Variants in ASTN2 observed in about 807,000 individuals in gnomAD.
ASTN2 encodes the protein astrotactin-2.
ASTN2 carries 54 observed loss-of-function variants against 139.8 expected under a neutral mutation model. The observed-to-expected ratio is 0.39, with a 90% CI of 0.31 to 0.48. The LOEUF (loss-of-function observed/expected upper bound fraction) is 0.48, where lower values mean the gene tolerates loss of function less well. ASTN2 is among the 20% of genes least tolerant of loss of function. ASTN2 has a pLI of 0.95. For missense variants in ASTN2, 1,565 were observed against 1,725.1 expected, an observed-to-expected ratio of 0.91 and a Z score of 1.64; for synonymous variants, 756 against 719.5, an observed-to-expected ratio of 1.05 and a Z score of -0.81.
intron 1 of ASTN2, among the ~76,000 whole-genome samples, chr9:117,400,744 C>T (rs1188352859): frequency 2.0e-5 from 3 of 152,108 alleles, no homozygotes; most frequent in African/African-American, 7.2e-5. Context: ...AGAGGGAACC[C>T]TTCTCTCCCT....
rs909945885 is a variant in ASTN2 at position 116,753,954 on chromosome 9, C to T, written c.2397-20431G>A. 3.3e-5 allele frequency among the ~76,000 whole-genome samples: 5 copies of T among 152,076 alleles called. No homozygotes were observed. In the East Asian group the frequency reaches 7.7e-4, roughly 24 times the overall value. On this transcript the variant is annotated intron_variant, in intron 13 of 22. Coordinates refer to ENST00000313400, the MANE Select transcript of ASTN2 (RefSeq NM_001365068.1). ...ACTCTAACCCTCCCCGAGCCCCACA[C>T]CTTGCAACAGGCCCTGCTGTGTGAT...
chr9:117,081,702 G>A (rs557298826), intron 5 of ASTN2, among the ~76,000 whole-genome samples: 30 of 152,274 alleles, frequency 2.0e-4, no homozygotes, highest in Non-Finnish European at 3.5e-4. Flanking sequence ...TTGAAGGAGG[G>A]GAGTCAAAGT....
At chr9:117,388,397 C>T (rs7848535) in intron 1 of ASTN2, among the ~76,000 whole-genome samples, 15,320 of 152,114 alleles carry the variant, frequency 0.1, 833 homozygotes, top group East Asian at 0.18. Context: ...TTCTGAATTC[C>T]GGTGAGGTCA....
chr9:117,250,845 G>T (rs1833517649), intron 2 of ASTN2, among the ~76,000 whole-genome samples: 1 of 152,178 alleles, frequency 6.6e-6, no homozygotes, highest in Non-Finnish European at 1.5e-5. Context: ...GTCCCCAAGG[G>T]CTTCTAGGAG....
At chr9:117,298,965 G>A (rs185360378) in intron 1 of ASTN2, among the ~76,000 whole-genome samples, 35 of 152,142 alleles carry the variant, frequency 2.3e-4, no homozygotes, top group African/African-American at 8.0e-4. Flanking sequence ...ATAATGGCTG[G>A]ATTCCCATAC....
At chr9:117,095,743 T>C (rs1353326968) in intron 5 of ASTN2, among the ~76,000 whole-genome samples, 1 of 152,220 alleles carries the variant, frequency 6.6e-6, no homozygotes, top group Admixed American at 6.5e-5. Flanking sequence ...CTTATTTTCA[T>C]ATTAATATGA....
chr9:116,973,928 G>T (rs1191714438), intron 10 of ASTN2, among the ~76,000 whole-genome samples: 1 of 152,174 alleles, frequency 6.6e-6, no homozygotes, highest in Non-Finnish European at 1.5e-5. Flanking sequence ...AAGCTGACAA[G>T]GTGAGAGTAA....
intron 6 of ASTN2, among the ~76,000 whole-genome samples, chr9:117,033,328 C>T (rs943693023): frequency 6.6e-6 from 1 of 152,042 alleles, no homozygotes; most frequent in Non-Finnish European, 1.5e-5. Flanking sequence ...GACCCCCTTC[C>T]AATATTAAGA....
chr9:116,627,227 A>C (rs1259765419), intron 17 of ASTN2, among the ~76,000 whole-genome samples: 1 of 152,196 alleles, frequency 6.6e-6, no homozygotes, highest in Admixed American at 6.5e-5. Context: ...TCATGTCAAA[A>C]ATTGCCTGGA....
intron 4 of ASTN2, among the ~76,000 whole-genome samples, chr9:117,140,054 T>C (rs1036668500): frequency 6.6e-6 from 1 of 152,212 alleles, no homozygotes; most frequent in African/African-American, 2.4e-5. Context: ...TGAAATTATC[T>C]GTAAAATGGG....
intron 10 of ASTN2, among the ~76,000 whole-genome samples, chr9:116,867,551 A>C (rs1402640481): frequency 5.3e-5 from 3 of 56,864 alleles, no homozygotes; most frequent in African/African-American, 1.6e-4. Flanking sequence ...CTCTGTCTCA[A>C]AAAAAAAAAA....
intron 21 of ASTN2, 66 bp from the exon 22 acceptor site, chr9:116,440,858 G>T: frequency 6.7e-7 from 1 of 1,491,636 alleles, no homozygotes; most frequent in Non-Finnish European, 9.2e-7. Context: ...ATAAGCATGG[G>T]CTTCAATAAG....
At chr9:116,502,690 G>GGAAAGAAGGAAGGAAA in intron 19 of ASTN2, among the ~76,000 whole-genome samples, 1 of 13,910 alleles carries the variant, frequency 7.2e-5, no homozygotes, top group South Asian at 1.3e-3. Context: ...AAAGAAGGAA[G>GGAAAGAAGGAAGGAAA]GAAGGAAGGA....
At position 116,648,237 on chromosome 9, in the gene ASTN2, T is replaced by C. The variant is rs565996914; in HGVS notation, c.3072+3291A>G. ...AGCTGGTCTTGAACTCCTGACCTCA[T>C]GATCAGCCCGTCTCGGCCTCCCAAA... On this transcript the variant is annotated intron_variant, in intron 17 of 22. Transcript: ENST00000313400. 6.6e-5 allele frequency among the ~76,000 whole-genome samples: 10 copies of C among 152,102 alleles called. No individual in the cohort carries two copies. The South Asian group carries it at 2.1e-3, about 32-fold the overall frequency.
intron 4 of ASTN2, among the ~76,000 whole-genome samples, chr9:117,101,487 A>C (rs1203974822): frequency 2.0e-5 from 3 of 152,120 alleles, no homozygotes; most frequent in African/African-American, 4.8e-5. Flanking sequence ...CAGCCTTTCT[A>C]TCCTTGCTGC....
chr9:116,981,587 C>T (rs1398639385), intron 7 of ASTN2, among the ~76,000 whole-genome samples: 1 of 152,192 alleles, frequency 6.6e-6, no homozygotes, highest in Non-Finnish European at 1.5e-5. Flanking sequence ...GCCTCTGGGC[C>T]AGCCAGGATG....
chr9:117,391,517 G>C (rs143550282), intron 1 of ASTN2, among the ~76,000 whole-genome samples: 9 of 152,060 alleles, frequency 5.9e-5, no homozygotes, highest in African/African-American at 2.2e-4. Context: ...GAACAGCATG[G>C]GAAAGACCTG....
At chr9:117,293,893 C>G (rs879484711) in intron 1 of ASTN2, among the ~76,000 whole-genome samples, 24 of 152,238 alleles carry the variant, frequency 1.6e-4, no homozygotes, top group Non-Finnish European at 3.1e-4. Flanking sequence ...GCTGGCTAGG[C>G]AGGCACTCCA....
intron 4 of ASTN2, among the ~76,000 whole-genome samples, chr9:117,098,519 G>T (rs983283972): frequency 6.6e-6 from 1 of 152,102 alleles, no homozygotes; most frequent in African/African-American, 2.4e-5. Context: ...TTTGATCTTT[G>T]TCCCAAAATG....
Sources: gnomAD v4.1 joint callset for allele counts (sites outside exome capture counted in the v4.1 genomes callset) on GRCh38, gnomAD v4.1.1 for gene constraint, MANE v1.5 for transcripts, NCBI Gene and HGNC (gene_info 2026-07-23, HGNC 2026-07-21) for gene names.